MBD5: variants seen among roughly 807,000 people sequenced by gnomAD.
The protein encoded by MBD5 is methyl-CpG binding domain protein 5, also known as methyl-CpG-binding domain protein 5.
Under a neutral mutation model 117.3 loss-of-function variants are expected in MBD5, and 13 were observed. The observed-to-expected ratio is 0.11, with a 90% confidence interval of 0.07 to 0.18. MBD5 has a LOEUF of 0.18. MBD5 is among the 10% of genes least tolerant of loss of function. The probability of loss-of-function intolerance (pLI) is 1.00; values close to 1 mark genes in which losing one functional copy is unlikely to be tolerated. For missense variants in MBD5, 1,879 were observed against 2,093.8 expected (o/e 0.90, Z 2.00); for synonymous variants, 727 against 766.4 (o/e 0.95, Z 0.85).
At chr2:148,061,383 G>C (rs888355024) in intron 1 of MBD5, among the ~76,000 whole-genome samples, 2 of 151,908 alleles carry the variant, frequency 1.3e-5, no homozygotes, top group African/African-American at 4.8e-5. Context: ...AAAATTAGAA[G>C]AGTTTGGCAC....
At chr2:148,339,153 C>T (rs1272528173) in intron 3 of MBD5, among the ~76,000 whole-genome samples, 6 of 152,156 alleles carry the variant, frequency 3.9e-5, no homozygotes, top group Admixed American at 1.3e-4. Context: ...TTCTTGGCAC[C>T]GGACATACAT....
chr2:148,266,191 C>T (rs1392255249), intron 3 of MBD5, among the ~76,000 whole-genome samples: 1 of 151,970 alleles, frequency 6.6e-6, no homozygotes, highest in Non-Finnish European at 1.5e-5. Context: ...TATCTCCTGA[C>T]CACGTAGGCT....
In MBD5 at chr2:148,490,497, T is replaced by C. The variant is rs1291578839; in HGVS notation, c.4865T>C (p.Val1622Ala). ...RPRTFNVGDL[V>A]WGQIKGLTSW... ...AGGACGTTCAATGTTGGCGACTTGG[T>C]CTGGGGCCAAATCAAAGGACTGACT... is the stretch of plus-strand genomic sequence containing the variant. The change falls in exon 11 of 14, where the codon GTC becomes GCC. Residue 1622 changes from valine to alanine, a missense_variant. Val to Ala is a moderately conservative substitution (Grantham distance 64, BLOSUM62 0). Around this residue, in one of 4 missense-constraint regions of MBD5, gnomAD observed 135 missense variants for 148.0 expected, o/e 0.91. Transcript: ENST00000642680. The C allele has an allele frequency of 6.2e-7, 1 of 1,614,156 alleles. No homozygotes were observed. Among genetic ancestry groups the C allele is most frequent in the Admixed American group, 1.7e-5 (1 of 60,020 alleles).
Position 148,483,496 on chromosome 2 carries a change from T to C in MBD5, c.2905T>C (p.Leu969=), listed in dbSNP as rs1277935516. The C allele has an allele frequency of 1.2e-6, 2 of 1,613,302 alleles. No homozygotes were observed. The highest frequency in any genetic ancestry group is 2.7e-5 in the African/African-American group (2 of 74,884). The change falls in exon 9 of 14, where the codon TTA becomes CTA. Residue 969 remains leucine, a synonymous_variant. Transcript: ENST00000642680. ...TCTCAACCCGAATGTAAACGCTGCT[T>C]TAGCTTTTCTCTCCAGTGACATGGA... ...GFLNPNVNAA[L]AFLSSDMDGQ... is the part of the protein sequence containing the mutation.
At chr2:148,185,122 G>A (rs1222529714) in intron 2 of MBD5, among the ~76,000 whole-genome samples, 1 of 152,126 alleles carries the variant, frequency 6.6e-6, no homozygotes, top group Non-Finnish European at 1.5e-5. Flanking sequence ...TTTTACTCAA[G>A]TCATGGAATA....
chr2:148,482,999 G>A (rs1401231196), intron 8 of MBD5, 111 bp from the exon 9 acceptor site: 15 of 1,183,894 alleles, frequency 1.3e-5, no homozygotes, highest in Non-Finnish European at 1.8e-5. Flanking sequence ...ATCAATGAAG[G>A]TGCCATGGAA....
At chr2:148,194,545 G>T (rs2105918803) in intron 2 of MBD5, among the ~76,000 whole-genome samples, 1 of 87,570 alleles carries the variant, frequency 1.1e-5, no homozygotes, top group South Asian at 5.4e-4. Context: ...TCACTCATAG[G>T]TGGGAACTGA....
At chr2:148,417,002 T>G (rs1057137115) in intron 4 of MBD5, among the ~76,000 whole-genome samples, 4 of 152,202 alleles carry the variant, frequency 2.6e-5, no homozygotes, top group African/African-American at 7.2e-5. Context: ...TATATATAAA[T>G]CAGTATACAC....
At chr2:148,026,236 A>C (rs956476271) in intron 1 of MBD5, 1 of 152,206 alleles carries the variant, frequency 6.6e-6, no homozygotes, top group Non-Finnish European at 1.5e-5. Context: ...CATTACATTT[A>C]TGACACTTTC....
chr2:148,133,541 AGGCCG>A (rs1464765907), intron 1 of MBD5, among the ~76,000 whole-genome samples: 2 of 152,200 alleles, frequency 1.3e-5, no homozygotes, highest in Non-Finnish European at 2.9e-5. Flanking sequence ...AAACCATACT[AGGCCG>A]GGCACAGTGG....
intron 1 of MBD5, among the ~76,000 whole-genome samples, chr2:148,157,531 T>G (rs947625807): frequency 1.3e-4 from 20 of 152,162 alleles, no homozygotes; most frequent in African/African-American, 4.8e-4. Context: ...GCTCAGGTAT[T>G]CCTTACATAG....
At chr2:148,261,837 T>C (rs1196237438) in intron 3 of MBD5, among the ~76,000 whole-genome samples, 2 of 152,246 alleles carry the variant, frequency 1.3e-5, no homozygotes, top group African/African-American at 4.8e-5. Context: ...AGACATGTGA[T>C]TCTTTCTTTC....
chr2:148,158,004 T>G (rs1017915955), intron 1 of MBD5, among the ~76,000 whole-genome samples: 2 of 152,220 alleles, frequency 1.3e-5, no homozygotes, highest in African/African-American at 4.8e-5. Flanking sequence ...TTGTGCACTT[T>G]AAAATGGTTA....
chr2:148,071,274 ATATGTGTGTGTGTGTGTGTGTGTGTGTG>A (rs1347270130), intron 1 of MBD5: 1 of 134,942 alleles, frequency 7.4e-6, no homozygotes, highest in Non-Finnish European at 1.6e-5. Context: ...ATATATCTGT[ATATGTGTGTGTGTGTGTGTGTGTGTGTG>A]TGTGTGTGTG....
intron 4 of MBD5, among the ~76,000 whole-genome samples, chr2:148,442,145 A>G (rs1447487542): frequency 6.6e-6 from 1 of 151,364 alleles, no homozygotes; most frequent in East Asian, 1.9e-4. Flanking sequence ...TTTTGTTGCC[A>G]TTGCTTTTGG....
At chr2:148,230,887 G>A (rs1361132920) in intron 2 of MBD5, among the ~76,000 whole-genome samples, 1 of 152,136 alleles carries the variant, frequency 6.6e-6, no homozygotes, top group African/African-American at 2.4e-5. Flanking sequence ...TCTAACTGGT[G>A]CCCTACCCTG....
At chr2:148,164,990 TGAA>T (rs1465273617) in intron 1 of MBD5, among the ~76,000 whole-genome samples, 4 of 152,184 alleles carry the variant, frequency 2.6e-5, no homozygotes, top group Non-Finnish European at 5.9e-5. Flanking sequence ...ATAAATATCA[TGAA>T]GGAGTTTATT....
At chr2:148,215,772 C>T (rs1699538805) in intron 2 of MBD5, among the ~76,000 whole-genome samples, 1 of 150,684 alleles carries the variant, frequency 6.6e-6, no homozygotes, top group Non-Finnish European at 1.5e-5. Context: ...ATTTTCCTAC[C>T]TTAGCCTCCC....
At chr2:148,365,052 A>T (rs1388507011) in intron 4 of MBD5, among the ~76,000 whole-genome samples, 1 of 152,222 alleles carries the variant, frequency 6.6e-6, no homozygotes, top group Non-Finnish European at 1.5e-5. Flanking sequence ...TCAGCACCAC[A>T]TCACACTTAT....
Sources: allele counts gnomAD v4.1 joint callset (sites outside exome capture counted in the v4.1 genomes callset), GRCh38; gene constraint gnomAD v4.1.1; regional missense constraint gnomAD v4.1.1; transcripts MANE v1.5; gene names NCBI Gene and HGNC (gene_info 2026-07-23, HGNC 2026-07-21).